The following GRIN3A variants were observed in gnomAD, a reference collection of about 807,000 sequenced individuals.
GRIN3A encodes glutamate ionotropic receptor NMDA type subunit 3A.
In GRIN3A, 47 loss-of-function variants were observed where a neutral mutation model predicts 92.4. The observed-to-expected ratio is 0.51, with a 90% CI of 0.40 to 0.65. The LOEUF is 0.65. Among genes scored for constraint, GRIN3A ranks in the 30% least tolerant of loss-of-function variants. The pLI is 0.00. For synonymous variants in GRIN3A, 527 were observed against 540.6 expected, an observed-to-expected ratio of 0.97 and a Z score of 0.35; for missense variants, 1,324 against 1,393.1, an observed-to-expected ratio of 0.95 and a Z score of 0.79.
chr9:101,659,237 C>T (rs1026993758), intron 3 of GRIN3A, among the ~76,000 whole-genome samples: 6 of 151,656 alleles, frequency 4.0e-5, no homozygotes, highest in African/African-American at 1.5e-4. Context: ...TCTATGTGAA[C>T]ACAGAGTTAA....
chr9:101,736,995 C>G (rs1447459826), intron 1 of GRIN3A, among the ~76,000 whole-genome samples: 1 of 152,138 alleles, frequency 6.6e-6, no homozygotes, highest in Non-Finnish European at 1.5e-5. Flanking sequence ...TAGATTTCTC[C>G]CAGCCGGTCA....
At chr9:101,579,081 C>A in intron 7 of GRIN3A, 115 bp downstream of exon 7, 1 of 1,064,428 alleles carries the variant, frequency 9.4e-7, no homozygotes, top group Non-Finnish European at 1.4e-6. Context: ...GTGCCTACCC[C>A]ACCCTCGTTA....
chr9:101,626,775 C>G (rs1828639583), intron 4 of GRIN3A, among the ~76,000 whole-genome samples: 1 of 152,238 alleles, frequency 6.6e-6, no homozygotes, highest in Non-Finnish European at 1.5e-5. Context: ...CGTTCCCAGA[C>G]TAGTCTGAAG....
chr9:101,607,748 C>A (rs1238719389), intron 6 of GRIN3A, among the ~76,000 whole-genome samples: 2 of 152,176 alleles, frequency 1.3e-5, no homozygotes, highest in Non-Finnish European at 2.9e-5. Flanking sequence ...ACTAACAGAG[C>A]CCGGCAGTGT....
chr9:101,582,114 C>G (rs1827894224), intron 6 of GRIN3A, among the ~76,000 whole-genome samples: 1 of 152,176 alleles, frequency 6.6e-6, no homozygotes, highest in African/African-American at 2.4e-5. Flanking sequence ...AATGATCCTC[C>G]CATTCTCTTT....
chr9:101,578,428 G>A (rs1046217786), intron 7 of GRIN3A, among the ~76,000 whole-genome samples: 4 of 152,158 alleles, frequency 2.6e-5, no homozygotes, highest in African/African-American at 9.7e-5. Context: ...TAGGGTAAAT[G>A]CAGAAGTGAC....
At chr9:101,659,417 G>A (rs919817321) in intron 3 of GRIN3A, among the ~76,000 whole-genome samples, 3 of 138,568 alleles carry the variant, frequency 2.2e-5, no homozygotes, top group African/African-American at 5.3e-5. Context: ...TACATAGAAA[G>A]TATCTATGTA....
intron 2 of GRIN3A, among the ~76,000 whole-genome samples, chr9:101,683,912 C>T (rs1306903935): frequency 6.7e-6 from 1 of 149,992 alleles, no homozygotes; most frequent in Non-Finnish European, 1.5e-5. Flanking sequence ...CAGAAATCAT[C>T]CAGTATTTAT....
rs568281302 is a variant in GRIN3A, at chr9:101,635,929, C to T, written c.2353-7528G>A. On this transcript the variant is annotated intron_variant, in intron 3 of 8. Coordinates refer to ENST00000361820, the MANE Select transcript of GRIN3A (RefSeq NM_133445.3). ...TTTTTGAGATGGAGTCTCACTCTGT[C>T]GCCCAGGCTGGAGTGCACGATCTCA... is the stretch of plus-strand genomic sequence containing the variant. 7.2e-5 allele frequency among the ~76,000 whole-genome samples: 11 copies of T among 152,294 alleles called. No individual in the cohort carries two copies. The South Asian group carries it at 8.3e-4, about 11-fold the overall frequency.
At chr9:101,673,597 A>C (rs1365730062) in intron 2 of GRIN3A, among the ~76,000 whole-genome samples, 5 of 152,204 alleles carry the variant, frequency 3.3e-5, no homozygotes, top group Non-Finnish European at 1.5e-5. Flanking sequence ...GACAATGCAT[A>C]GCAAAATATA....
chr9:101,696,838 C>T (rs936612936), intron 1 of GRIN3A, among the ~76,000 whole-genome samples: 1 of 152,034 alleles, frequency 6.6e-6, no homozygotes, highest in Non-Finnish European at 1.5e-5. Context: ...CAGCTAAACG[C>T]TGATTATTTT....
intron 3 of GRIN3A, among the ~76,000 whole-genome samples, chr9:101,645,487 C>T (rs981118881): frequency 3.4e-4 from 51 of 151,642 alleles, no homozygotes; most frequent in African/African-American, 1.2e-3. Flanking sequence ...ATACTGATTT[C>T]CTTTCTTTTG....
intron 2 of GRIN3A, among the ~76,000 whole-genome samples, chr9:101,684,684 C>T (rs769726493): frequency 1.3e-5 from 2 of 152,048 alleles, no homozygotes; most frequent in East Asian, 3.9e-4. Flanking sequence ...AAATGAGACC[C>T]TAAGGTATAT....
intron 1 of GRIN3A, 141 bp downstream of exon 1, chr9:101,737,140 A>G: frequency 2.8e-6 from 2 of 716,962 alleles, no homozygotes; most frequent in Admixed American, 4.2e-5. Flanking sequence ...ACCTACGAAC[A>G]TGGCCCAATC....
chr9:101,629,617 A>T (rs534775893), intron 3 of GRIN3A, among the ~76,000 whole-genome samples: 165 of 152,346 alleles, frequency 1.1e-3, no homozygotes, highest in African/African-American at 3.8e-3. Context: ...CATGCACTGA[A>T]CAAATTCTAA....
intron 1 of GRIN3A, among the ~76,000 whole-genome samples, chr9:101,710,733 C>A (rs185131530): frequency 1.3e-5 from 2 of 152,320 alleles, no homozygotes; most frequent in East Asian, 3.9e-4. Flanking sequence ...TTATGTGGTA[C>A]AGAGTTGACT....
intron 5 of GRIN3A, among the ~76,000 whole-genome samples, chr9:101,619,196 T>A (rs943263598): frequency 3.9e-5 from 6 of 152,176 alleles, no homozygotes; most frequent in African/African-American, 1.4e-4. Flanking sequence ...CAGATAGGGT[T>A]AAAAAGGCTT....
intron 2 of GRIN3A, among the ~76,000 whole-genome samples, chr9:101,673,100 T>C (rs1829350852): frequency 6.6e-6 from 1 of 152,094 alleles, no homozygotes; most frequent in Non-Finnish European, 1.5e-5. Flanking sequence ...AAAGAGGAAG[T>C]TGTGGAAAGA....
chr9:101,589,579 T>A (rs1022600078), intron 6 of GRIN3A, among the ~76,000 whole-genome samples: 19 of 152,202 alleles, frequency 1.2e-4, no homozygotes, highest in African/African-American at 3.6e-4. Context: ...ATATAATGAC[T>A]TTTTTGCATA....
Sources: allele counts gnomAD v4.1 joint callset (sites outside exome capture counted in the v4.1 genomes callset), GRCh38; gene constraint gnomAD v4.1.1; transcripts MANE v1.5; gene names NCBI Gene and HGNC (gene_info 2026-07-23, HGNC 2026-07-21).